The following SBF2 variants were observed in gnomAD, a reference collection of about 807,000 sequenced individuals.
SBF2 encodes myotubularin-related protein 13.
A neutral mutation model predicts 225.2 loss-of-function variants in SBF2; 112 were observed. The ratio of observed to expected loss-of-function variants is 0.50; its 90% CI spans 0.43 to 0.58. The LOEUF is 0.58. Ranked by LOEUF, SBF2 falls within the 20% of genes least tolerant of loss-of-function variation. SBF2 has a pLI of 0.00. For synonymous variants in SBF2, 763 were observed against 773.3 expected (o/e 0.99, Z 0.22); for missense variants, 1,996 against 2,206.2 (o/e 0.90, Z 1.91).
chr11:9,855,223 TG>T lies in SBF2; in HGVS notation c.2363+1234del, dbSNP rs1857231120. Among the ~76,000 whole-genome samples, 3 of 151,978 alleles carry T rather than the reference TG, an allele frequency of 2.0e-5. No homozygotes were observed. The South Asian group carries it at 6.2e-4, about 32-fold the overall frequency. Reference sequence around the variant, plus strand: ...GGATGAACAAGAAACTCTATATGGGTGGGGGTAAGAGATCTGTGCAGTTGAC... The same window carrying T: ...GGATGAACAAGAAACTCTATATGGGTGGGGTAAGAGATCTGTGCAGTTGAC... On this transcript the variant is annotated intron_variant, in intron 19 of 39. Transcript: ENST00000256190.
rs1038468854 is a variant in SBF2, at chr11:10,133,383, G to A, written c.141+60519C>T. ...GGTGCTTGTCGGGGAGGCTCGGGCC[G>A]CACAGGAGCCCATGGAGTGGGTGGG... On this transcript the variant is annotated intron_variant, in intron 2 of 39. Transcript: ENST00000256190. 3.0e-4 allele frequency among the ~76,000 whole-genome samples: 45 copies of A among 149,586 alleles called. 8 individuals carry two copies. The highest frequency in any genetic ancestry group is 7.4e-4 in the Admixed American group (11 of 14,788).
At chr11:10,081,530 G>A (rs993737491) in intron 2 of SBF2, among the ~76,000 whole-genome samples, 6 of 152,022 alleles carry the variant, frequency 3.9e-5, no homozygotes, top group Admixed American at 6.6e-5. Context: ...AGGCTGAGAC[G>A]GATAGATCGT....
intron 1 of SBF2, among the ~76,000 whole-genome samples, chr11:10,235,249 T>C (rs764794869): frequency 1.3e-5 from 2 of 152,254 alleles, no homozygotes; most frequent in Non-Finnish European, 2.9e-5. Context: ...AGTCAATTAA[T>C]TGAGGCCAGG....
intron 2 of SBF2, among the ~76,000 whole-genome samples, chr11:10,066,340 ATATC>A (rs1256573714): frequency 6.6e-6 from 1 of 150,472 alleles, no homozygotes; most frequent in African/African-American, 2.4e-5. Context: ...CTATATATCT[ATATC>A]TATATATATA....
chr11:10,188,107 T>A (rs573480545), intron 2 of SBF2, among the ~76,000 whole-genome samples: 1 of 152,314 alleles, frequency 6.6e-6, no homozygotes, highest in South Asian at 2.1e-4. Flanking sequence ...CATTAGTCTC[T>A]TAGAGAAATT....
Position 10,037,302 on chromosome 11 carries a change from T to G in SBF2, c.279+5542A>C, listed in dbSNP as rs114237201. On this transcript the variant is annotated intron_variant, in intron 3 of 39. Transcript: ENST00000256190. The stretch of plus-strand genomic sequence containing the variant: ...AGAATACACAAGTCTCCCAATTTTT[T>G]CTCTGTGTGAATTATGTTACGCATG... 5.8e-3 allele frequency among the ~76,000 whole-genome samples: 890 copies of G among 152,258 alleles called. 14 individuals are homozygous for G. The highest frequency in any genetic ancestry group is 0.019 in the African/African-American group (810 of 41,562).
chr11:10,265,296 T>C (rs1287106860), intron 1 of SBF2, among the ~76,000 whole-genome samples: 3 of 152,184 alleles, frequency 2.0e-5, no homozygotes, highest in Non-Finnish European at 4.4e-5. Context: ...GAGATGGTTA[T>C]TTCACTGTGG....
At chr11:9,899,380 T>G (rs1333173714) in intron 16 of SBF2, among the ~76,000 whole-genome samples, 1 of 149,664 alleles carries the variant, frequency 6.7e-6, no homozygotes, top group Non-Finnish European at 1.5e-5. Context: ...GGTGCATGCA[T>G]GTAGTCCCAG....
chr11:10,191,273 T>C (rs1361928523), intron 2 of SBF2, among the ~76,000 whole-genome samples: 1 of 152,178 alleles, frequency 6.6e-6, no homozygotes, highest in African/African-American at 2.4e-5. Flanking sequence ...CTATCTTTGG[T>C]CTTGAAGCCG....
At chr11:9,918,788 G>C (rs538588509) in intron 16 of SBF2, among the ~76,000 whole-genome samples, 1 of 152,074 alleles carries the variant, frequency 6.6e-6, no homozygotes, top group Non-Finnish European at 1.5e-5. Context: ...ACCCAGGCTG[G>C]AGTGCAGTGG....
At chr11:9,857,464 A>G (rs1367393169) in intron 18 of SBF2, among the ~76,000 whole-genome samples, 1 of 152,256 alleles carries the variant, frequency 6.6e-6, no homozygotes, top group Non-Finnish European at 1.5e-5. Flanking sequence ...CTGGAGTAGA[A>G]TGATAATCAG....
intron 26 of SBF2, among the ~76,000 whole-genome samples, chr11:9,834,685 C>T (rs1226722887): frequency 2.0e-5 from 3 of 152,176 alleles, no homozygotes; most frequent in Non-Finnish European, 2.9e-5. Flanking sequence ...AAGCTATAGA[C>T]ATAATCACTC....
chr11:9,814,870 A>T (rs1312363056), intron 29 of SBF2, among the ~76,000 whole-genome samples: 1 of 152,216 alleles, frequency 6.6e-6, no homozygotes, highest in Non-Finnish European at 1.5e-5. Flanking sequence ...CTAATAATAA[A>T]GTATTAAAGT....
intron 35 of SBF2, among the ~76,000 whole-genome samples, chr11:9,788,136 A>G (rs1434557642): frequency 6.6e-6 from 1 of 152,130 alleles, no homozygotes; most frequent in African/African-American, 2.4e-5. Flanking sequence ...GACAGGAGGA[A>G]CCCCTCAACT....
intron 20 of SBF2, 74 bp from the exon 21 acceptor site, chr11:9,852,823 A>G: frequency 8.6e-7 from 1 of 1,164,400 alleles, no homozygotes. Flanking sequence ...GATATTTTAG[A>G]ATTAAAAGTT....
At chr11:9,920,205 TA>T (rs1863501999) in intron 16 of SBF2, among the ~76,000 whole-genome samples, 1 of 107,532 alleles carries the variant, frequency 9.3e-6, no homozygotes, top group South Asian at 2.7e-4. Context: ...TGTGTGTGTG[TA>T]TATATATATA....
intron 1 of SBF2, among the ~76,000 whole-genome samples, chr11:10,240,970 G>A (rs1487046693): frequency 6.6e-6 from 1 of 152,150 alleles, no homozygotes; most frequent in Non-Finnish European, 1.5e-5. Context: ...TATACCAATT[G>A]TTTGACAAAT....
intron 2 of SBF2, among the ~76,000 whole-genome samples, chr11:10,061,699 A>C (rs568175166): frequency 2.0e-5 from 3 of 152,338 alleles, no homozygotes; most frequent in African/African-American, 7.2e-5. Flanking sequence ...GAGTAGACAC[A>C]AACAAATGGA....
At chr11:10,221,274 C>T (rs527552488) in intron 1 of SBF2, among the ~76,000 whole-genome samples, 2 of 151,834 alleles carry the variant, frequency 1.3e-5, no homozygotes, top group Non-Finnish European at 2.9e-5. Context: ...TGAGCCGTCA[C>T]GCCCAGCTAA....
Sources: gnomAD v4.1 joint callset for allele counts (sites outside exome capture counted in the v4.1 genomes callset) on GRCh38, gnomAD v4.1.1 for gene constraint, MANE v1.5 for transcripts, NCBI Gene and HGNC (gene_info 2026-07-23, HGNC 2026-07-21) for gene names.